The following ZDHHC11B variants were observed in gnomAD, a reference collection of about 807,000 sequenced individuals.
ZDHHC11B encodes the protein zDHHC palmitoyltransferase 11B (putative).
In ZDHHC11B, 17 loss-of-function variants were observed where a neutral mutation model predicts 42.3. The observed-to-expected ratio is 0.40, with a 90% confidence interval of 0.27 to 0.60. The LOEUF is 0.60. ZDHHC11B is among the 20% of genes least tolerant of loss of function. The probability of loss-of-function intolerance (pLI) is 0.41; values close to 1 mark genes in which losing one functional copy is unlikely to be tolerated. For synonymous variants in ZDHHC11B, 123 were observed against 193.5 expected, an observed-to-expected ratio of 0.64 and a Z score of 3.02; for missense variants, 262 against 463.2, an observed-to-expected ratio of 0.57 and a Z score of 3.99.
chr5:739,219 T>A (rs1010594206), intron 10 of ZDHHC11B, among the ~76,000 whole-genome samples: 1 of 150,658 alleles, frequency 6.6e-6, no homozygotes, highest in Non-Finnish European at 1.5e-5. Flanking sequence ...GCCAACATGG[T>A]GAAACTTGTC....
intron 1 of ZDHHC11B, among the ~76,000 whole-genome samples, chr5:773,711 C>A (rs1177068924): frequency 6.6e-6 from 1 of 151,874 alleles, no homozygotes; most frequent in Admixed American, 6.6e-5. Context: ...CCTGGCCAAA[C>A]CCCACGGGAG....
intron 8 of ZDHHC11B, among the ~76,000 whole-genome samples, chr5:746,797 C>T (rs1744895027): frequency 6.7e-6 from 1 of 148,726 alleles, no homozygotes; most frequent in Admixed American, 6.9e-5. Flanking sequence ...CTATTTTAAC[C>T]CAGGGAAACA....
At chr5:723,059 G>A (rs1742309485) in intron 12 of ZDHHC11B, among the ~76,000 whole-genome samples, 1 of 150,582 alleles carries the variant, frequency 6.6e-6, no homozygotes, top group Non-Finnish European at 1.5e-5. Context: ...GCATGAGCGG[G>A]GTGCAAGGAC....
rs145927883 is a variant in ZDHHC11B, at chr5:765,728, T to C, written c.222+970A>G. On this transcript the variant is annotated intron_variant, in intron 4 of 13. Transcript: ENST00000508859. ...AACACTCGCAGTGAAGGTCTGCAGC[T>C]TCATTCCTGAACCAGGGATACCCCA... 5.7e-4 allele frequency among the ~76,000 whole-genome samples: 87 copies of C among 152,018 alleles called. 4 individuals carry two copies. The highest frequency in any genetic ancestry group is 1.1e-3 in the Non-Finnish European group (73 of 67,918).
At chr5:715,474 T>C (rs1462942451) in intron 13 of ZDHHC11B, among the ~76,000 whole-genome samples, 2 of 150,002 alleles carry the variant, frequency 1.3e-5, no homozygotes, top group Non-Finnish European at 3.0e-5. Flanking sequence ...ACTGAGACAA[T>C]TTTTTACAGC....
At chr5:770,744 C>A (rs994946439) in intron 1 of ZDHHC11B, among the ~76,000 whole-genome samples, 1 of 152,018 alleles carries the variant, frequency 6.6e-6, no homozygotes, top group Non-Finnish European at 1.5e-5. Context: ...GGGCCTGGCC[C>A]CAGCCAGGGG....
At chr5:732,219 A>T (rs1302463159) in intron 11 of ZDHHC11B, 1 of 160,428 alleles carries the variant, frequency 6.2e-6, no homozygotes, top group African/African-American at 2.4e-5. Flanking sequence ...CAATGAACCG[A>T]CGGTGTCATT....
At chr5:783,229 G>A (rs1193354269) in intron 1 of ZDHHC11B, among the ~76,000 whole-genome samples, 98 of 151,896 alleles carry the variant, frequency 6.5e-4, no homozygotes, top group African/African-American at 2.2e-3. Flanking sequence ...CCGGGAGCCC[G>A]CCCCTCCCCC....
intron 4 of ZDHHC11B, among the ~76,000 whole-genome samples, chr5:765,782 C>T (rs1262346164): frequency 6.6e-6 from 1 of 152,008 alleles, no homozygotes; most frequent in African/African-American, 2.4e-5. Context: ...ATTCTGAACA[C>T]ATCCAAACAT....
rs1463553901 is a variant in ZDHHC11B, at chr5:730,502, G to C, written c.1024-34C>G. On this transcript the variant is annotated intron_variant, in intron 11 of 13. Transcript: ENST00000508859. ...GGAAGGGAAGCAAAATTCTTAGGATGAACAAAGACCTTGTTGACATTAAAC... is the reference window on the plus strand; with the variant it reads ...GGAAGGGAAGCAAAATTCTTAGGATCAACAAAGACCTTGTTGACATTAAAC... The C allele has an allele frequency of 1.9e-6, 3 of 1,545,746 alleles. No homozygotes were observed. In the East Asian group the frequency reaches 7.4e-5, roughly 38 times the overall value.
rs1166408888 is a variant in ZDHHC11B at position 716,991 on chromosome 5, C to T, written c.1059-126G>A. On this transcript the variant is annotated intron_variant, in intron 12 of 13. Transcript: ENST00000508859. ...GAGATTAGCTTGTGACGTGGGCAAT[C>T]ACTTCACCTCTCTGAGTTTCAGAGC... 75 of 1,342,540 alleles carry T rather than the reference C, an allele frequency of 5.6e-5. No homozygotes were observed. In the East Asian group the frequency reaches 1.8e-3, roughly 32 times the overall value. The allele number at this position is 1,342,540 out of a possible 1,614,324, so 83.2% of individuals were successfully genotyped here.
Position 739,105 on chromosome 5 carries a change from A to C in ZDHHC11B, c.935+2489T>G, listed in dbSNP as rs562833550. Among the ~76,000 whole-genome samples, 695 of 150,438 alleles carry C rather than the reference A, an allele frequency of 4.6e-3. 3 individuals are homozygous for C. The highest frequency in any genetic ancestry group is 0.01 in the Middle Eastern group (3 of 292). On this transcript the variant is annotated intron_variant, in intron 10 of 13. Coordinates refer to ENST00000508859, the MANE Select transcript of ZDHHC11B (RefSeq NM_001351303.2). ...AACTCAAACAAATCCGCAAAAAAAA[A>C]ACAAATCATCCAATTGGGTGTGGTG...
intron 11 of ZDHHC11B, among the ~76,000 whole-genome samples, chr5:730,918 A>C (rs1310244053): frequency 6.6e-6 from 1 of 151,906 alleles, no homozygotes; most frequent in African/African-American, 2.4e-5. Flanking sequence ...GGGAGAAACC[A>C]ACCCTGCAGA....
chr5:783,877 C>G (rs1253137662), intron 1 of ZDHHC11B, among the ~76,000 whole-genome samples: 3 of 146,208 alleles, frequency 2.1e-5, no homozygotes, highest in African/African-American at 7.6e-5. Context: ...ATCAAGACAG[C>G]AGCCCCCCTA....
chr5:727,221 C>T lies in ZDHHC11B; in HGVS notation c.1058+3213G>A, dbSNP rs576833322. Among the ~76,000 whole-genome samples, 238 of 133,258 alleles carry T rather than the reference C, an allele frequency of 1.8e-3. 12 individuals carry two copies. Among genetic ancestry groups the T allele is most frequent in the Middle Eastern group, 7.8e-3 (2 of 256 alleles). 87.4% of individuals were successfully genotyped at this position (133,258 alleles called of 152,430 possible). The stretch of plus-strand genomic sequence containing the variant: ...CTGGCCTGGAACTCTGGCGCTGCCC[C>T]CAGCACGTTTCCGTGAAGGACGGAG... On this transcript the variant is annotated intron_variant, in intron 12 of 13. Transcript: ENST00000508859.
chr5:762,348 T>C (rs1413501881), intron 4 of ZDHHC11B, among the ~76,000 whole-genome samples: 1 of 151,828 alleles, frequency 6.6e-6, no homozygotes, highest in South Asian at 2.1e-4. Context: ...GCAAGAGGGA[T>C]GCAGCAAGAT....
intron 12 of ZDHHC11B, among the ~76,000 whole-genome samples, chr5:726,409 CTT>C: frequency 6.7e-6 from 1 of 148,242 alleles, no homozygotes; most frequent in Admixed American, 6.8e-5. Flanking sequence ...TTAATGGTAA[CTT>C]ATCGCCTGTT....
chr5:745,484 C>T (rs1481878117), intron 8 of ZDHHC11B, among the ~76,000 whole-genome samples, 186 bp from the exon 9 acceptor site: 12 of 149,888 alleles, frequency 8.0e-5, no homozygotes, highest in South Asian at 2.2e-4. Context: ...CCCAGGTCTG[C>T]AGCTAGCTGA....
intron 11 of ZDHHC11B, among the ~76,000 whole-genome samples, chr5:730,772 A>G (rs1342850049): frequency 3.3e-5 from 5 of 151,716 alleles, no homozygotes; most frequent in Non-Finnish European, 7.4e-5. Context: ...AGATGAGGCT[A>G]CTAGAGTGAG....
Sources: gnomAD v4.1 joint callset for allele counts (sites outside exome capture counted in the v4.1 genomes callset) on GRCh38, gnomAD v4.1.1 for gene constraint, MANE v1.5 for transcripts, NCBI Gene and HGNC (gene_info 2026-07-23, HGNC 2026-07-21) for gene names.